The following MAP4 variants were observed in gnomAD, a reference collection of about 807,000 sequenced individuals.
The protein encoded by MAP4 is microtubule-associated protein 4.
In MAP4, 76 loss-of-function variants were observed where a neutral mutation model predicts 170.2. The observed-to-expected ratio is 0.45, with a 90% CI of 0.37 to 0.54. MAP4 has a LOEUF of 0.54. Ranked by LOEUF, MAP4 falls within the 20% of genes least tolerant of loss-of-function variation. The probability of loss-of-function intolerance (pLI) is 0.00; values close to 1 mark genes in which losing one functional copy is unlikely to be tolerated. For synonymous variants in MAP4, 909 were observed against 994.5 expected (o/e 0.91, Z 1.62); for missense variants, 2,506 against 2,748.0 (o/e 0.91, Z 1.97).
At chr3:47,949,465 C>CAAAAAAAAAAAAAAAAAAAAAAAAAA (rs60076214) in intron 3 of MAP4, among the ~76,000 whole-genome samples, 1 of 70,890 alleles carries the variant, frequency 1.4e-5, no homozygotes, top group Non-Finnish European at 2.6e-5. Context: ...GACTGCGTCC[C>CAAAAAAAAAAAAAAAAAAAAAAAAAA]AAAAAAAAAA....
intron 1 of MAP4, among the ~76,000 whole-genome samples, chr3:48,061,280 T>C (rs1029914411): frequency 6.9e-6 from 1 of 144,072 alleles, no homozygotes; most frequent in African/African-American, 2.5e-5. Context: ...CTCTGCTCAC[T>C]GCAACCTCCC....
intron 16 of MAP4, 93 bp from the exon 17 acceptor site, chr3:47,867,431 T>A: frequency 1.2e-6 from 1 of 802,044 alleles, no homozygotes; most frequent in Non-Finnish European, 2.2e-6. Context: ...GTGATCACAA[T>A]GACCAACAAA....
rs1231338094 is a variant in MAP4 at position 47,981,550 on chromosome 3, A to C, written c.224-3617T>G. Among the ~76,000 whole-genome samples the C allele has an allele frequency of 1.3e-5, 2 of 152,124 alleles. 1 individual carries two copies. The highest frequency in any genetic ancestry group is 4.8e-5 in the African/African-American group (2 of 41,430). On this transcript the variant is annotated intron_variant, in intron 2 of 20. Coordinates refer to ENST00000683076, the MANE Select transcript of MAP4 (RefSeq NM_001385682.1). ...TTTGGGAGGCTGAGGCAGGTGGATC[A>C]CTTGAGGTCAGGAGTTCGAGACCTG...
chr3:47,916,222 A>G lies in MAP4; in HGVS notation c.1605T>C (p.Cys535=), dbSNP rs2100038918. The G allele has an allele frequency of 6.2e-7, 1 of 1,614,202 alleles. No homozygotes were observed. Among genetic ancestry groups the G allele is most frequent in the East Asian group, 2.2e-5 (1 of 44,890 alleles). The part of the protein sequence containing the change: ...ETEVVLIKNV[C]LPPEMEVALT... ...GGGCCACCTCCATTTCTGGAGGCAG[A>G]CATACGTTCTTGATGAGAACTACTT... is the stretch of plus-strand genomic sequence containing the variant. Residue 535 remains cysteine (C), a synonymous_variant, in exon 7 of 21, where the codon TGT becomes TGC. Transcript: ENST00000683076.
intron 12 of MAP4, among the ~76,000 whole-genome samples, chr3:47,874,304 C>G (rs2094502460): frequency 6.6e-6 from 1 of 152,016 alleles, no homozygotes; most frequent in Non-Finnish European, 1.5e-5. Context: ...CCCAGCTCTA[C>G]TAAAAATACA....
intron 1 of MAP4, among the ~76,000 whole-genome samples, chr3:48,055,218 G>C (rs1339276867): frequency 1.3e-5 from 2 of 148,690 alleles, no homozygotes; most frequent in South Asian, 2.2e-4. Flanking sequence ...CTCCGTCTCC[G>C]TCTCCGTCTC....
At chr3:47,946,654 CAAA>C (rs11427271) in intron 3 of MAP4, among the ~76,000 whole-genome samples, 3 of 40,820 alleles carry the variant, frequency 7.3e-5, no homozygotes, top group African/African-American at 2.8e-4. Context: ...AACTCCGTCT[CAAA>C]AAAAAAAAAA....
chr3:47,974,534 G>A (rs1184466336), intron 3 of MAP4: 64 of 978,704 alleles, frequency 6.5e-5, no homozygotes, highest in Non-Finnish European at 7.6e-5. Flanking sequence ...TGCATAATCA[G>A]TAAAAGGATA....
intron 1 of MAP4, among the ~76,000 whole-genome samples, chr3:48,070,002 C>T (rs752440566): frequency 9.2e-5 from 14 of 152,044 alleles, no homozygotes; most frequent in Non-Finnish European, 1.5e-4. Context: ...GAGACAGGGT[C>T]TCACTCCATT....
At chr3:48,001,513 A>G (rs1317429095) in intron 1 of MAP4, among the ~76,000 whole-genome samples, 1 of 152,160 alleles carries the variant, frequency 6.6e-6, no homozygotes. Flanking sequence ...ATTATACAAA[A>G]ATGTAGTAGA....
At chr3:48,037,677 G>T (rs2100119425) in intron 1 of MAP4, among the ~76,000 whole-genome samples, 1 of 152,020 alleles carries the variant, frequency 6.6e-6, no homozygotes. Context: ...TTACAGGTGT[G>T]AACCACAGCA....
At chr3:48,081,604 G>A (rs1359376616) in intron 1 of MAP4, among the ~76,000 whole-genome samples, 1 of 152,084 alleles carries the variant, frequency 6.6e-6, no homozygotes, top group Non-Finnish European at 1.5e-5. Context: ...AAAGAAGCAA[G>A]GAAGAGAATG....
In MAP4 at chr3:47,881,446, C is replaced by CTATATATATATA. The variant is rs56923064; in HGVS notation, c.5435-3935_5435-3924dup. ...CAGCCTGGGCAACAAGAAAAAACAA[C>CTATATATATATA]TATATATATATATATATATATATAT... On this transcript the variant is annotated intron_variant, in intron 10 of 20. Transcript: ENST00000683076. Among the ~76,000 whole-genome samples, 26 of 49,458 alleles carry CTATATATATATA rather than the reference C, an allele frequency of 5.3e-4. 1 individual carries two copies. The highest frequency in any genetic ancestry group is 7.1e-4 in the East Asian group (1 of 1,404). The allele number at this position is 49,458 out of a possible 152,430, so 32.4% of individuals were successfully genotyped here. A position where few individuals can be genotyped will look rare whatever the true frequency, so the allele number is the denominator to read the frequency against.
intron 3 of MAP4, among the ~76,000 whole-genome samples, chr3:47,955,523 T>C (rs1170793826): frequency 1.3e-5 from 2 of 151,004 alleles, no homozygotes; most frequent in African/African-American, 4.9e-5. Context: ...GTCTGATAAA[T>C]AGCAAGTAGC....
intron 10 of MAP4, among the ~76,000 whole-genome samples, chr3:47,889,890 G>A (rs913499738): frequency 2.0e-5 from 3 of 149,616 alleles, no homozygotes; most frequent in South Asian, 2.1e-4. Flanking sequence ...ATAAAAAAAC[G>A]TGTTTTTTAT....
chr3:47,887,003 C>G (rs1167927349), intron 10 of MAP4, among the ~76,000 whole-genome samples: 1 of 152,236 alleles, frequency 6.6e-6, no homozygotes, highest in African/African-American at 2.4e-5. Context: ...AGGCAGTCAC[C>G]ACAGTTTCAG....
At position 47,936,454 on chromosome 3, in the gene MAP4, G is replaced by C. The variant is rs554243180; in HGVS notation, c.293-8104C>G. Reference sequence around the variant, plus strand: ...CTTAAAAAAAAAGAAAAGAAAAAAGGGGGAGGAGAAAGGAGAGACTTATGG... The same window carrying C: ...CTTAAAAAAAAAGAAAAGAAAAAAGCGGGAGGAGAAAGGAGAGACTTATGG... On this transcript the variant is annotated intron_variant, in intron 3 of 20. Coordinates refer to ENST00000683076, the MANE Select transcript of MAP4 (RefSeq NM_001385682.1). Among the ~76,000 whole-genome samples, 3 of 151,658 alleles carry C rather than the reference G, an allele frequency of 2.0e-5. No homozygotes were observed. The South Asian group carries it at 6.3e-4, about 32-fold the overall frequency.
In MAP4 at chr3:47,966,228, CTTTTTTTTTTTTTTTTTT is replaced by C. The variant is rs757460367; in HGVS notation, c.292+11619_292+11636del. On this transcript the variant is annotated intron_variant, in intron 3 of 20. Transcript: ENST00000683076. Reference sequence around the variant, plus strand: ...AGCTGGGACTACAGGCCCACACTACCTTTTTTTTTTTTTTTTTTTTTTTTTTTTTTTTTTTTTGAGACA... The same window carrying C: ...AGCTGGGACTACAGGCCCACACTACCTTTTTTTTTTTTTTTTTTTGAGACA... Among the ~76,000 whole-genome samples the C allele has an allele frequency of 5.4e-4, 27 of 50,262 alleles. 1 individual carries two copies. The highest frequency in any genetic ancestry group is 1.8e-3 in the East Asian group (2 of 1,118). 33.0% of individuals were successfully genotyped at this position (50,262 alleles called of 152,430 possible). A position where few individuals can be genotyped will look rare whatever the true frequency, so the allele number is the denominator to read the frequency against.
intron 1 of MAP4, among the ~76,000 whole-genome samples, chr3:48,086,814 A>G (rs1257970127): frequency 6.6e-6 from 1 of 152,210 alleles, no homozygotes; most frequent in South Asian, 2.1e-4. Context: ...AATACTTCCA[A>G]CATGCATTAA....
Sources: allele counts gnomAD v4.1 joint callset (sites outside exome capture counted in the v4.1 genomes callset), GRCh38; gene constraint gnomAD v4.1.1; transcripts MANE v1.5; gene names NCBI Gene and HGNC (gene_info 2026-07-23, HGNC 2026-07-21).